CREM: variants seen among roughly 807,000 people sequenced by gnomAD.
CREM encodes the protein cAMP responsive element modulator.
Under a neutral mutation model 37.3 loss-of-function variants are expected in CREM, and 13 were observed. The observed-to-expected ratio is 0.35, with a 90% CI of 0.23 to 0.55. The LOEUF is 0.55. Ranked by LOEUF, CREM falls within the 20% of genes least tolerant of loss-of-function variation. The pLI is 0.88. For missense variants in CREM, 296 were observed against 362.3 expected (o/e 0.82, Z 1.49); for synonymous variants, 124 against 120.2 (o/e 1.03, Z -0.21).
rs7077139 is a variant in CREM, at chr10:35,163,018, C to G, written c.168+14527C>G. On this transcript the variant is annotated intron_variant, in intron 3 of 7. Coordinates refer to ENST00000685392, the MANE Select transcript of CREM (RefSeq NM_183011.2). ...TTGAGCCCAGGAGTTCAAGACCAGC[C>G]TGGGTCAAGGTAAGACTCCATCTCT... Among the ~76,000 whole-genome samples, 932 of 151,256 alleles carry G rather than the reference C, an allele frequency of 6.2e-3. 12 individuals are homozygous for G. Among genetic ancestry groups the G allele is most frequent in the African/African-American group, 0.021 (884 of 41,194 alleles).
At chr10:35,184,723 T>C (rs1333073427) in intron 5 of CREM, among the ~76,000 whole-genome samples, 1 of 152,146 alleles carries the variant, frequency 6.6e-6, no homozygotes, top group Non-Finnish European at 1.5e-5. Context: ...GCTGTTCATA[T>C]TGTGAAAACA....
intron 1 of CREM, among the ~76,000 whole-genome samples, chr10:35,131,395 A>G (rs2135393053): frequency 6.6e-6 from 1 of 152,290 alleles, no homozygotes; most frequent in East Asian, 1.9e-4. Context: ...GAATAGCAAA[A>G]TAGCAGATAG....
chr10:35,210,970 G>A (rs1286776742), intron 7 of CREM, among the ~76,000 whole-genome samples: 1 of 152,202 alleles, frequency 6.6e-6, no homozygotes, highest in African/African-American at 2.4e-5. Flanking sequence ...TGGTCCTATT[G>A]TAGTTTACTG....
At chr10:35,155,617 T>C (rs1000275687) in intron 3 of CREM, among the ~76,000 whole-genome samples, 21 of 38,260 alleles carry the variant, frequency 5.5e-4, no homozygotes, top group Admixed American at 1.1e-3. Context: ...GATTCTTTTC[T>C]TTTCTTTTCT....
chr10:35,176,548 C>T (rs1397291368), intron 3 of CREM, among the ~76,000 whole-genome samples: 1 of 151,912 alleles, frequency 6.6e-6, no homozygotes. Context: ...GCTGGGACTA[C>T]AGGCGCCCGC....
chr10:35,174,342 C>G (rs1463798850), intron 3 of CREM, among the ~76,000 whole-genome samples: 4 of 152,196 alleles, frequency 2.6e-5, no homozygotes, highest in East Asian at 1.9e-4. Context: ...GCCATTGTTT[C>G]TTAGGTGCTA....
chr10:35,187,075 A>AAT (rs555928210), intron 5 of CREM, among the ~76,000 whole-genome samples: 1 of 69,848 alleles, frequency 1.4e-5, no homozygotes, highest in Non-Finnish European at 2.5e-5. Context: ...TTAATATAAT[A>AAT]ATATATATAA....
intron 2 of CREM, 73 bp downstream of exon 2, chr10:35,137,952 A>C (rs1398548300): frequency 2.6e-6 from 3 of 1,165,342 alleles, no homozygotes; most frequent in Non-Finnish European, 3.7e-6. Flanking sequence ...ATAAATTGAT[A>C]TATAGATGTA....
At chr10:35,187,026 TCA>T (rs1191940049) in intron 5 of CREM, among the ~76,000 whole-genome samples, 4 of 71,104 alleles carry the variant, frequency 5.6e-5, no homozygotes, top group Admixed American at 2.5e-4. Context: ...ATAATATATA[TCA>T]CATATAATAT....
chr10:35,175,873 C>T (rs754959615), intron 3 of CREM: 2 of 1,566,660 alleles, frequency 1.3e-6, no homozygotes, highest in East Asian at 2.4e-5. Context: ...CTGGATCAGG[C>T]ACCAGAAGAG....
chr10:35,128,071 C>T (rs187107961), intron 1 of CREM, among the ~76,000 whole-genome samples: 4 of 152,322 alleles, frequency 2.6e-5, no homozygotes, highest in Admixed American at 6.5e-5. Context: ...TCTCGAACTC[C>T]TGACCTTCCA....
At chr10:35,134,647 A>T (rs1382980307) in intron 1 of CREM, among the ~76,000 whole-genome samples, 3 of 152,236 alleles carry the variant, frequency 2.0e-5, no homozygotes, top group Admixed American at 2.0e-4. Context: ...TCCCATATTC[A>T]GATTTCACCA....
At chr10:35,194,368 A>G (rs2095059230) in intron 6 of CREM, among the ~76,000 whole-genome samples, 1 of 152,180 alleles carries the variant, frequency 6.6e-6, no homozygotes, top group African/African-American at 2.4e-5. Context: ...ATGAATTTTA[A>G]AAATCCCAAA....
intron 1 of CREM, among the ~76,000 whole-genome samples, chr10:35,130,805 A>C (rs550362695): frequency 7.2e-4 from 109 of 152,340 alleles, no homozygotes; most frequent in African/African-American, 2.5e-3. Context: ...GTTTAAGAGC[A>C]GTTTACAATG....
chr10:35,179,270 C>A lies in CREM; in HGVS notation c.403C>A (p.Gln135Lys). The A allele has an allele frequency of 3.1e-6, 5 of 1,614,026 alleles. No homozygotes were observed. The highest frequency in any genetic ancestry group is 4.2e-6 in the Non-Finnish European group (5 of 1,179,974). The change falls in exon 5 of 8, where the codon CAA (glutamine) becomes AAA (lysine). Residue 135 changes from glutamine (Q) to lysine (K), a missense_variant. This residue lies in a region of CREM where 257 missense variants were observed against 280.2 expected (regional missense o/e 0.92). Transcript: ENST00000685392. ...PTSIYQTSTG[Q>K]YIAIAQGGTI... is the part of the protein sequence containing the mutation. The stretch of plus-strand genomic sequence containing the variant: ...TAGCATATATCAGACTAGCACGGGG[C>A]AATACAGTATGTATGCTGCAATTCG...
chr10:35,191,616 C>T (rs989034016), intron 6 of CREM, among the ~76,000 whole-genome samples: 5 of 152,076 alleles, frequency 3.3e-5, no homozygotes, highest in African/African-American at 1.2e-4. Context: ...TGGCTGATGC[C>T]TCAGCAGTAT....
chr10:35,196,161 A>G (rs1345694884), intron 6 of CREM: 12 of 1,564,158 alleles, frequency 7.7e-6, no homozygotes, highest in Non-Finnish European at 1.1e-5. Context: ...TGGATTATGT[A>G]TTGTATAAGC....
chr10:35,149,744 C>G (rs2092437694), intron 3 of CREM, among the ~76,000 whole-genome samples: 1 of 152,040 alleles, frequency 6.6e-6, no homozygotes, highest in South Asian at 2.1e-4. Flanking sequence ...TGCACCCAGC[C>G]TGCTTTTCTT....
intron 3 of CREM, among the ~76,000 whole-genome samples, chr10:35,152,818 C>T (rs970305480): frequency 3.9e-5 from 6 of 152,166 alleles, no homozygotes; most frequent in African/African-American, 1.4e-4. Flanking sequence ...GTGACACTTA[C>T]ATCCTCCGGA....
Sources: allele counts gnomAD v4.1 joint callset (sites outside exome capture counted in the v4.1 genomes callset), GRCh38; gene constraint gnomAD v4.1.1; regional missense constraint gnomAD v4.1.1; transcripts MANE v1.5; gene names NCBI Gene and HGNC (gene_info 2026-07-23, HGNC 2026-07-21).